Variants in IGSF11 observed in about 807,000 individuals in gnomAD.
The protein encoded by IGSF11 is CXADR like 1.
IGSF11 carries 22 observed loss-of-function variants against 41.0 expected under a neutral mutation model. The observed-to-expected ratio is 0.54, with a 90% CI of 0.38 to 0.77. The LOEUF (loss-of-function observed/expected upper bound fraction) is 0.77. Ranked by LOEUF, IGSF11 falls within the 30% of genes least tolerant of loss-of-function variation. The probability of loss-of-function intolerance (pLI) is 0.00; values close to 1 mark genes in which losing one functional copy is unlikely to be tolerated. For missense variants in IGSF11, 444 were observed against 530.8 expected (o/e 0.84, Z 1.61); for synonymous variants, 219 against 201.3 (o/e 1.09, Z -0.74).
upstream of IGSF11, among the ~76,000 whole-genome samples, chr3:119,108,480 G>C (rs2077077311): frequency 4.0e-5 from 6 of 150,980 alleles, no homozygotes; most frequent in South Asian, 1.3e-3. Context: ...AGCTTGAGGA[G>C]ATTTTGGGCT....
At chr3:119,024,035 C>G (rs1939580241) in intron 1 of IGSF11, among the ~76,000 whole-genome samples, 1 of 152,158 alleles carries the variant, frequency 6.6e-6, no homozygotes, top group Non-Finnish European at 1.5e-5. Context: ...CTTACTTGTC[C>G]AGCTCCCTGT....
intron 1 of IGSF11, among the ~76,000 whole-genome samples, chr3:118,976,472 T>A (rs6765168): frequency 0.22 from 33,444 of 152,112 alleles, 4,546 homozygotes; most frequent in African/African-American, 0.37. Flanking sequence ...CCCAAAGCTC[T>A]CTTCACCTAC....
intron 1 of IGSF11, among the ~76,000 whole-genome samples, chr3:119,013,951 A>T (rs924443743): frequency 6.6e-5 from 10 of 152,260 alleles, no homozygotes; most frequent in Non-Finnish European, 1.5e-4. Context: ...ATTAATCTAT[A>T]TGTGAAAAGA....
chr3:119,111,168 T>C (rs1219737147), intron 1 of IGSF11, among the ~76,000 whole-genome samples: 1 of 152,206 alleles, frequency 6.6e-6, no homozygotes, highest in Non-Finnish European at 1.5e-5. Context: ...TTCTCCTGGA[T>C]AATATCCTGC....
chr3:118,928,665 C>T lies in IGSF11; in HGVS notation c.268G>A (p.Gly90Ser), dbSNP rs759581949. ...ATGGTGCCTGTAAATCCTACCCTACCGTGGAACCGGGGGGCACCATCAAAC... is the reference window on the plus strand; with the variant it reads ...ATGGTGCCTGTAAATCCTACCCTACTGTGGAACCGGGGGGCACCATCAAAC... ...QMFDGAPRFH[G>S]RVGFTGTMPA... is the part of the protein sequence containing the mutation. Residue 90 changes from glycine (G) to serine (S), a missense_variant, in exon 3 of 7, where the codon GGT (glycine) becomes AGT (serine). This residue lies in a region of IGSF11 where 193 missense variants were observed against 283.5 expected (regional missense o/e 0.68). Transcript: ENST00000393775. The T allele has an allele frequency of 1.4e-5, 23 of 1,613,894 alleles. No homozygotes were observed. The highest frequency in any genetic ancestry group is 1.2e-4 in the Admixed American group (7 of 59,988).
chr3:119,022,433 A>G (rs1939386807), intron 1 of IGSF11, among the ~76,000 whole-genome samples: 1 of 152,242 alleles, frequency 6.6e-6, no homozygotes, highest in African/African-American at 2.4e-5. Context: ...TATGTTATAT[A>G]TATTTTACCA....
chr3:118,952,226 TCAA>T (rs1944623863), intron 1 of IGSF11, among the ~76,000 whole-genome samples: 2 of 152,144 alleles, frequency 1.3e-5, no homozygotes, highest in African/African-American at 4.8e-5. Flanking sequence ...AGGTCTTGCC[TCAA>T]TGTTGATGGC....
chr3:118,913,619 A>G (rs1370936450), intron 4 of IGSF11, among the ~76,000 whole-genome samples: 1 of 152,068 alleles, frequency 6.6e-6, no homozygotes, highest in South Asian at 2.1e-4. Context: ...GAACAACAAC[A>G]CTCATAGATC....
At chr3:119,043,276 C>T (rs1941192652) in intron 1 of IGSF11, among the ~76,000 whole-genome samples, 1 of 152,132 alleles carries the variant, frequency 6.6e-6, no homozygotes, top group Non-Finnish European at 1.5e-5. Context: ...AATCATTTTC[C>T]CTCCCCCTGT....
intron 1 of IGSF11, among the ~76,000 whole-genome samples, chr3:119,065,018 C>T (rs1942178170): frequency 6.6e-6 from 1 of 152,056 alleles, no homozygotes; most frequent in Non-Finnish European, 1.5e-5. Context: ...CCTTATTGTA[C>T]TTCCTGAGAC....
At chr3:119,056,557 T>G (rs140185272) in intron 1 of IGSF11, among the ~76,000 whole-genome samples, 113,248 of 152,016 alleles carry the variant, frequency 0.74, 43,248 homozygotes, top group African/African-American at 0.92. Flanking sequence ...GGAGGGGCTG[T>G]TACCATTCCT....
chr3:119,136,421 A>G (rs1038496523), intron 1 of IGSF11, among the ~76,000 whole-genome samples: 5 of 152,170 alleles, frequency 3.3e-5, no homozygotes, highest in Admixed American at 3.3e-4. Context: ...TCTGTTGCCA[A>G]TAAGAAACAC....
rs1164886682 is a variant in IGSF11 at position 118,998,470 on chromosome 3, A to AC, written c.52+36060_52+36061insG. ...AAATGTCTCCAATACTTCAAAATCC[A>AC]TTGGGGGGGAAAAAAAAGAAAAAAT... is the stretch of plus-strand genomic sequence containing the variant. On this transcript the variant is annotated intron_variant, in intron 1 of 6. Transcript: ENST00000393775. Among the ~76,000 whole-genome samples, 745 of 151,352 alleles carry AC rather than the reference A, an allele frequency of 4.9e-3. 6 individuals carry two copies. The highest frequency in any genetic ancestry group is 0.018 in the African/African-American group (721 of 40,946).
chr3:119,130,564 T>G (rs1243317613), intron 1 of IGSF11, among the ~76,000 whole-genome samples: 1 of 152,218 alleles, frequency 6.6e-6, no homozygotes, highest in African/African-American at 2.4e-5. Context: ...AAGCTCGAAC[T>G]GGGCAGAACC....
At chr3:118,964,128 C>A (rs897976448) in intron 1 of IGSF11, among the ~76,000 whole-genome samples, 1 of 152,170 alleles carries the variant, frequency 6.6e-6, no homozygotes. Flanking sequence ...AGTTCTTTCA[C>A]AGTTATGTCC....
At chr3:119,036,430 A>C (rs949428521), upstream of IGSF11, among the ~76,000 whole-genome samples, 1 of 152,164 alleles carries the variant, frequency 6.6e-6, no homozygotes, top group Non-Finnish European at 1.5e-5. Flanking sequence ...AGTCCTAAGC[A>C]GGGTATAAGA....
chr3:118,951,761 T>C (rs1372709169), intron 1 of IGSF11, among the ~76,000 whole-genome samples: 3 of 152,150 alleles, frequency 2.0e-5, no homozygotes, highest in African/African-American at 7.2e-5. Context: ...CTACAAATAT[T>C]CTCTCAAATA....
rs1430034120 is a variant in IGSF11, at chr3:118,917,772, T to C, written c.580+8329A>G. 2.7e-3 allele frequency among the ~76,000 whole-genome samples: 405 copies of C among 149,286 alleles called. 1 individual carries two copies. Among genetic ancestry groups the C allele is most frequent in the East Asian group, 0.016 (77 of 4,714 alleles). On this transcript the variant is annotated intron_variant, in intron 4 of 6. Transcript: ENST00000393775. ...ACTCATTTTATGAGGCCAACATCAT[T>C]CTGATACCAAAGCCGGGCAGAGACA...
chr3:119,103,688 C>G (rs2076974957), intron 1 of IGSF11, among the ~76,000 whole-genome samples: 1 of 151,532 alleles, frequency 6.6e-6, no homozygotes, highest in Admixed American at 6.6e-5. Flanking sequence ...TTGGTCCACC[C>G]TGTACCACTA....
Sources: allele counts gnomAD v4.1 joint callset (sites outside exome capture counted in the v4.1 genomes callset), GRCh38; gene constraint gnomAD v4.1.1; regional missense constraint gnomAD v4.1.1; transcripts MANE v1.5; gene names NCBI Gene and HGNC (gene_info 2026-07-23, HGNC 2026-07-21).